The following SLC2A13 variants were observed in gnomAD, a reference collection of about 807,000 sequenced individuals.
The protein encoded by SLC2A13 is proton myo-inositol cotransporter.
A neutral mutation model predicts 64.4 loss-of-function variants in SLC2A13; 32 were observed. That is an observed-to-expected ratio of 0.50 (90% confidence interval 0.37 to 0.67). SLC2A13 has a LOEUF of 0.67. SLC2A13 is among the 30% of genes least tolerant of loss of function. The pLI, the probability that SLC2A13 is intolerant of heterozygous loss-of-function variation, is 0.00. For missense variants in SLC2A13, 743 were observed against 829.2 expected, an observed-to-expected ratio of 0.90 and a Z score of 1.28; for synonymous variants, 338 against 327.1, an observed-to-expected ratio of 1.03 and a Z score of -0.36.
chr12:39,810,230 A>G (rs1490177738), intron 7 of SLC2A13, among the ~76,000 whole-genome samples: 3 of 152,194 alleles, frequency 2.0e-5, no homozygotes, highest in Admixed American at 6.5e-5. Flanking sequence ...AATATTTTAT[A>G]GTGTTCAGTG....
At chr12:40,065,848 C>T (rs1389660122) in intron 1 of SLC2A13, among the ~76,000 whole-genome samples, 1 of 152,156 alleles carries the variant, frequency 6.6e-6, no homozygotes, top group East Asian at 1.9e-4. Context: ...CAAAGTCTCA[C>T]AAAAGCACGT....
intron 3 of SLC2A13, among the ~76,000 whole-genome samples, chr12:39,987,864 CTT>C (rs1947056890): frequency 6.6e-6 from 1 of 151,928 alleles, no homozygotes; most frequent in African/African-American, 2.4e-5. Flanking sequence ...CTAAAAATAA[CTT>C]TTGAAATATT....
chr12:39,949,034 G>C (rs193199506), intron 4 of SLC2A13, among the ~76,000 whole-genome samples: 76 of 152,192 alleles, frequency 5.0e-4, no homozygotes, highest in Non-Finnish European at 9.6e-4. Context: ...GAGAGAGCAG[G>C]AGAAAACACA....
At chr12:40,014,568 T>G (rs930735909) in intron 3 of SLC2A13, among the ~76,000 whole-genome samples, 14 of 152,162 alleles carry the variant, frequency 9.2e-5, no homozygotes, top group African/African-American at 2.9e-4. Flanking sequence ...CTCGGCTCAC[T>G]GCAACCTCCA....
chr12:40,097,677 T>C (rs534588169), intron 1 of SLC2A13, among the ~76,000 whole-genome samples: 2 of 152,246 alleles, frequency 1.3e-5, no homozygotes, highest in Admixed American at 6.5e-5. Flanking sequence ...CAAACCACCA[T>C]ATCACTTCAT....
intron 4 of SLC2A13, among the ~76,000 whole-genome samples, chr12:39,883,339 G>GT (rs1393878325): frequency 3.9e-5 from 6 of 152,134 alleles, no homozygotes; most frequent in Admixed American, 1.3e-4. Context: ...CTCACTGCCA[G>GT]TTTGTGTTCC....
chr12:40,075,518 C>A (rs1436161063), intron 1 of SLC2A13, among the ~76,000 whole-genome samples: 1 of 152,106 alleles, frequency 6.6e-6, no homozygotes, highest in Non-Finnish European at 1.5e-5. Flanking sequence ...ACTACAAGCT[C>A]CTGATATGCC....
rs2135823819 is a variant in SLC2A13 at position 39,820,052 on chromosome 12, A to T, written c.1445+10051T>A. ...ATAATTAAATATAATATTAATATTT[A>T]TGGGTTTGTCCATGCAGAACAGCTC... is the stretch of plus-strand genomic sequence containing the variant. On this transcript the variant is annotated intron_variant, in intron 7 of 9. Transcript: ENST00000280871. Among the ~76,000 whole-genome samples the T allele has an allele frequency of 1.3e-5, 2 of 152,266 alleles. 1 individual carries two copies. Among genetic ancestry groups the T allele is most frequent in the South Asian group, 4.1e-4 (2 of 4,828 alleles).
intron 4 of SLC2A13, among the ~76,000 whole-genome samples, chr12:39,910,046 T>C (rs576364787): frequency 6.6e-6 from 1 of 152,194 alleles, no homozygotes; most frequent in Admixed American, 6.5e-5. Context: ...CTTAGATACA[T>C]TAGTGTTATT....
chr12:40,069,418 G>A (rs938178464), intron 1 of SLC2A13, among the ~76,000 whole-genome samples: 2 of 151,928 alleles, frequency 1.3e-5, no homozygotes, highest in East Asian at 1.9e-4. Flanking sequence ...AAAATTGGGT[G>A]AAAACTATGT....
chr12:39,886,026 T>A (rs2135968156), intron 4 of SLC2A13, among the ~76,000 whole-genome samples: 1 of 152,330 alleles, frequency 6.6e-6, no homozygotes, highest in East Asian at 1.9e-4. Flanking sequence ...AAGGTTTCTT[T>A]TACTTTACTG....
In SLC2A13 at chr12:39,969,098, C is replaced by T. The variant is rs987282464; in HGVS notation, c.926-17733G>A. On this transcript the variant is annotated intron_variant, in intron 3 of 9. Transcript: ENST00000280871. ...GTTTGCTGAGAATGATGGTTTCCAG[C>T]TTCATCCATGTCCCTACAAAGGACA... Among the ~76,000 whole-genome samples, 142 of 152,148 alleles carry T rather than the reference C, an allele frequency of 9.3e-4. 3 individuals are homozygous for T. Among genetic ancestry groups the T allele is most frequent in the Admixed American group, 7.6e-3 (116 of 15,268 alleles).
chr12:39,886,202 C>A (rs941040497), intron 4 of SLC2A13, among the ~76,000 whole-genome samples: 1 of 152,076 alleles, frequency 6.6e-6, no homozygotes, highest in African/African-American at 2.4e-5. Context: ...TGAACTGTAA[C>A]AGCCCTGGGC....
chr12:39,915,585 G>A (rs1945508713), intron 4 of SLC2A13, among the ~76,000 whole-genome samples: 1 of 151,886 alleles, frequency 6.6e-6, no homozygotes, highest in Non-Finnish European at 1.5e-5. Flanking sequence ...GATTTTCAAT[G>A]AGTAAAAGAC....
At chr12:39,988,668 AG>A (rs1367896314) in intron 3 of SLC2A13, among the ~76,000 whole-genome samples, 3 of 98,834 alleles carry the variant, frequency 3.0e-5, no homozygotes, top group African/African-American at 4.0e-5. Context: ...GGAGGGAGGG[AG>A]GGAGGGAAGA....
intron 4 of SLC2A13, among the ~76,000 whole-genome samples, chr12:39,879,338 A>G (rs1944283841): frequency 6.6e-6 from 1 of 152,152 alleles, no homozygotes; most frequent in South Asian, 2.1e-4. Context: ...AGACCCCAGA[A>G]TGGTAGATCT....
chr12:39,919,184 C>G (rs1471885676), intron 4 of SLC2A13, among the ~76,000 whole-genome samples: 1 of 152,016 alleles, frequency 6.6e-6, no homozygotes, highest in African/African-American at 2.4e-5. Flanking sequence ...GGGCCTCGGT[C>G]TCCCAAAATG....
chr12:39,890,431 C>T (rs1208692115), intron 4 of SLC2A13, among the ~76,000 whole-genome samples: 1 of 152,072 alleles, frequency 6.6e-6, no homozygotes, highest in African/African-American at 2.4e-5. Context: ...AGTAAGGTTG[C>T]AGATAGAATT....
intron 6 of SLC2A13, among the ~76,000 whole-genome samples, chr12:39,855,243 G>A (rs1943577369): frequency 6.6e-6 from 1 of 151,952 alleles, no homozygotes; most frequent in Non-Finnish European, 1.5e-5. Context: ...AAGTATTCTG[G>A]CAACTGTATT....
Sources: allele counts gnomAD v4.1 joint callset (sites outside exome capture counted in the v4.1 genomes callset), GRCh38; gene constraint gnomAD v4.1.1; transcripts MANE v1.5; gene names NCBI Gene and HGNC (gene_info 2026-07-23, HGNC 2026-07-21).